Variants in VSIG1 observed in about 807,000 individuals in gnomAD.
VSIG1 encodes the protein V-set and immunoglobulin domain containing 1.
A neutral mutation model predicts 20.1 loss-of-function variants in VSIG1; 11 were observed. That is an observed-to-expected ratio of 0.55 (90% confidence interval 0.34 to 0.91). The LOEUF is 0.91. Ranked by LOEUF, VSIG1 falls within the 40% of genes least tolerant of loss-of-function variation. The pLI, the probability that VSIG1 is intolerant of heterozygous loss-of-function variation, is 0.02. For synonymous variants in VSIG1, 126 were observed against 116.7 expected (o/e 1.08, Z -0.52); for missense variants, 283 against 298.8 (o/e 0.95, Z 0.39).
chrX:108,071,536 A>T (rs2147933686), intron 3 of VSIG1, among the ~76,000 whole-genome samples: 1 of 111,141 alleles, frequency 9.0e-6, no homozygotes, highest in African/African-American at 3.3e-5. Flanking sequence ...ATGTTTTCAT[A>T]AGCAGCTAAA....
intron 2 of VSIG1, among the ~76,000 whole-genome samples, chrX:108,059,818 C>T (rs1435373830): frequency 1.8e-5 from 2 of 112,745 alleles, no homozygotes; most frequent in Non-Finnish European, 3.8e-5. Flanking sequence ...TGAAATCCTT[C>T]TCATTTTGCC....
intron 1 of VSIG1, among the ~76,000 whole-genome samples, chrX:108,047,800 A>G (rs2030622246): frequency 1.4e-5 from 1 of 71,800 alleles, no homozygotes; most frequent in Admixed American, 1.6e-4. Flanking sequence ...CTATATATAT[A>G]TATATATACA....
At chrX:108,041,025 T>G, upstream of VSIG1, among the ~76,000 whole-genome samples, 1 of 107,753 alleles carries the variant, frequency 9.3e-6, no homozygotes, top group East Asian at 2.9e-4. Flanking sequence ...GAAAACCATT[T>G]ACTATCAAAA....
chrX:108,073,608 G>A (rs1018390826), intron 5 of VSIG1: 38 of 319,910 alleles, frequency 1.2e-4, no homozygotes, highest in Admixed American at 1.1e-4. Flanking sequence ...TCACAAAATC[G>A]CTAGAAGGTA....
intron 2 of VSIG1, among the ~76,000 whole-genome samples, chrX:108,063,691 A>G (rs769358269): frequency 9.0e-6 from 1 of 111,169 alleles, no homozygotes; most frequent in Non-Finnish European, 1.9e-5. Context: ...TATCTCACAG[A>G]GGTCTTATAA....
At chrX:108,037,124 T>C in the VSIG1 span, among the ~76,000 whole-genome samples, 1 of 111,174 alleles carries the variant, frequency 9.0e-6, no homozygotes, top group African/African-American at 3.3e-5. Context: ...GCCCAAGGGG[T>C]TTTTGAAACA....
At chrX:108,070,948 G>A (rs903275430) in intron 3 of VSIG1, among the ~76,000 whole-genome samples, 1 of 111,984 alleles carries the variant, frequency 8.9e-6, no homozygotes, top group Non-Finnish European at 1.9e-5. Flanking sequence ...AACTTTAGTA[G>A]CAGGAATTAG....
chrX:108,069,618 C>T (rs894440413), intron 3 of VSIG1, among the ~76,000 whole-genome samples: 6 of 111,453 alleles, frequency 5.4e-5, no homozygotes, highest in Admixed American at 3.8e-4. Context: ...ATGTATCTTT[C>T]AGATGTTTTG....
chrX:108,062,548 T>A (rs2031048950), intron 2 of VSIG1, among the ~76,000 whole-genome samples: 3 of 112,349 alleles, frequency 2.7e-5, no homozygotes, highest in African/African-American at 9.7e-5. Context: ...TATTCTCTTC[T>A]AAAGAATGCA....
At chrX:108,019,373 G>C in the VSIG1 span, among the ~76,000 whole-genome samples, 2 of 112,163 alleles carry the variant, frequency 1.8e-5, no homozygotes, top group Admixed American at 1.9e-4. Flanking sequence ...CTTCAACCCT[G>C]CCCCCCCGTG....
At chrX:108,045,268 A>G (rs1350042270) in intron 1 of VSIG1, 89 bp downstream of exon 1, 2 of 766,583 alleles carry the variant, frequency 2.6e-6, no homozygotes, top group Admixed American at 3.4e-5. Flanking sequence ...TAGAATTTTC[A>G]TCTCCTGTAC....
chrX:108,060,401 T>TA (rs2030996248), intron 2 of VSIG1, among the ~76,000 whole-genome samples: 1 of 111,229 alleles, frequency 9.0e-6, no homozygotes, highest in Non-Finnish European at 1.9e-5. Flanking sequence ...TTTGTGTTTT[T>TA]ATTGCTCCCA....
upstream of VSIG1, chrX:108,045,025 G>C: frequency 1.6e-6 from 1 of 620,977 alleles, no homozygotes; most frequent in African/African-American, 2.3e-5. Context: ...GCGATGCCCA[G>C]CAGATAAGCC....
chrX:108,062,661 G>A (rs916736654), intron 2 of VSIG1, among the ~76,000 whole-genome samples: 1 of 112,013 alleles, frequency 8.9e-6, no homozygotes, highest in Non-Finnish European at 1.9e-5. Context: ...AAGCAAGAGA[G>A]TCTTTCTTTT....
chrX:108,040,200 A>G (rs894125001), upstream of VSIG1, among the ~76,000 whole-genome samples: 1 of 111,678 alleles, frequency 9.0e-6, no homozygotes, highest in East Asian at 2.8e-4. Context: ...CAGTGGAAAA[A>G]TGGGCTAAGC....
chrX:108,041,194 C>G (rs1028074551), upstream of VSIG1, among the ~76,000 whole-genome samples: 1 of 108,632 alleles, frequency 9.2e-6, no homozygotes, highest in Non-Finnish European at 1.9e-5. Context: ...GCTTCTAATG[C>G]GTGCTATGGT....
At chrX:108,057,807 C>T in intron 1 of VSIG1, among the ~76,000 whole-genome samples, 1 of 111,154 alleles carries the variant, frequency 9.0e-6, no homozygotes, top group Non-Finnish European at 1.9e-5. Context: ...AGTGTTATTA[C>T]CACACCATCA....
At chrX:108,067,450 T>C (rs930619360) in intron 3 of VSIG1, among the ~76,000 whole-genome samples, 3 of 111,575 alleles carry the variant, frequency 2.7e-5, no homozygotes, top group African/African-American at 9.8e-5. Context: ...CACAAAATGA[T>C]CACTAGCAAC....
rs190124244 is a variant in VSIG1, at chrX:108,072,951, C to T, written c.568+119C>T. The T allele has an allele frequency of 6.2e-5, 48 of 772,779 alleles. 1 individual carries two copies. In the East Asian group the frequency reaches 6.3e-4, roughly 10 times the overall value. 63.7% of individuals were successfully genotyped at this position (772,779 alleles called of 1,213,427 possible). ...AATCTTCTTGTTTTCTCAGTGGTGG[C>T]GGGTGGAGGGGGGCGGCTGGTAATG... On this transcript the variant is annotated intron_variant, in intron 4 of 6. Transcript: ENST00000217957.
Sources: gnomAD v4.1 joint callset for allele counts (sites outside exome capture counted in the v4.1 genomes callset) on GRCh38, gnomAD v4.1.1 for gene constraint, MANE v1.5 for transcripts, NCBI Gene and HGNC (gene_info 2026-07-23, HGNC 2026-07-21) for gene names.